The following RPS6KC1 variants were observed in gnomAD, a reference collection of about 807,000 sequenced individuals.
RPS6KC1 encodes ribosomal protein S6 kinase C1.
In RPS6KC1, 54 loss-of-function variants were observed where a neutral mutation model predicts 103.8. That is an observed-to-expected ratio of 0.52 (90% CI 0.42 to 0.65). The LOEUF is 0.65. Among genes scored for constraint, RPS6KC1 ranks in the 30% least tolerant of loss-of-function variants. The pLI, the probability that RPS6KC1 is intolerant of heterozygous loss-of-function variation, is 0.00. For synonymous variants in RPS6KC1, 439 were observed against 438.7 expected (o/e 1.00, Z -0.01); for missense variants, 1,151 against 1,253.8 (o/e 0.92, Z 1.24).
At chr1:213,719,908 G>A in the RPS6KC1 span, among the ~76,000 whole-genome samples, 39 of 152,244 alleles carry the variant, frequency 2.6e-4, no homozygotes, top group Non-Finnish European at 4.4e-4. Flanking sequence ...GATATACTCT[G>A]ATATTTTCTA....
the RPS6KC1 span, among the ~76,000 whole-genome samples, chr1:213,769,598 C>G: frequency 6.6e-6 from 1 of 152,046 alleles, no homozygotes; most frequent in Admixed American, 6.5e-5. Flanking sequence ...TCCTCACTCT[C>G]AAATGCACAA....
chr1:213,107,059 G>A (rs1247015069), intron 4 of RPS6KC1, among the ~76,000 whole-genome samples: 1 of 151,654 alleles, frequency 6.6e-6, no homozygotes, highest in South Asian at 2.1e-4. Context: ...CTCCTGCCTC[G>A]GCCTCCTGAG....
the RPS6KC1 span, among the ~76,000 whole-genome samples, chr1:213,551,191 C>T: frequency 6.6e-6 from 1 of 152,230 alleles, no homozygotes; most frequent in Non-Finnish European, 1.5e-5. Context: ...TTTTTAGCAT[C>T]TCCATCCCAA....
chr1:213,390,736 A>G, the RPS6KC1 span, among the ~76,000 whole-genome samples: 1 of 152,192 alleles, frequency 6.6e-6, no homozygotes, highest in Non-Finnish European at 1.5e-5. Context: ...CAAAGGATCT[A>G]TAGACCTCGT....
chr1:213,806,474 G>A, the RPS6KC1 span, among the ~76,000 whole-genome samples: 138 of 152,168 alleles, frequency 9.1e-4, no homozygotes, highest in East Asian at 7.7e-4. Flanking sequence ...TGTATTGGGT[G>A]CATATATATT....
chr1:213,231,964 C>T (rs531718068), intron 9 of RPS6KC1, among the ~76,000 whole-genome samples, 159 bp from the exon 10 acceptor site: 1 of 152,160 alleles, frequency 6.6e-6, no homozygotes, highest in African/African-American at 2.4e-5. Context: ...AGCAGAGCCT[C>T]CAGGGACTGG....
the RPS6KC1 span, among the ~76,000 whole-genome samples, chr1:213,545,842 A>T: frequency 2.0e-5 from 3 of 152,138 alleles, no homozygotes; most frequent in Non-Finnish European, 4.4e-5. Flanking sequence ...TGCTGTGCAC[A>T]TGCAGTCTCA....
chr1:213,589,448 T>C, the RPS6KC1 span, among the ~76,000 whole-genome samples: 7 of 152,220 alleles, frequency 4.6e-5, no homozygotes, highest in African/African-American at 1.7e-4. Context: ...GAGACCAGTC[T>C]GGCCAACATG....
At chr1:213,482,955 G>A in the RPS6KC1 span, among the ~76,000 whole-genome samples, 1 of 151,948 alleles carries the variant, frequency 6.6e-6, no homozygotes, top group Non-Finnish European at 1.5e-5. Context: ...CCTAACTTTT[G>A]TTGGAATGAT....
intron 8 of RPS6KC1, among the ~76,000 whole-genome samples, chr1:213,216,568 A>G (rs1235277905): frequency 6.6e-6 from 1 of 152,114 alleles, no homozygotes; most frequent in Non-Finnish European, 1.5e-5. Flanking sequence ...CAGAATATAC[A>G]TTTTTTTCAG....
the RPS6KC1 span, among the ~76,000 whole-genome samples, chr1:213,671,965 G>T: frequency 7.1e-6 from 1 of 140,904 alleles, no homozygotes; most frequent in Non-Finnish European, 1.6e-5. Context: ...AAAAAAAAAA[G>T]AAAATTGAGG....
intron 6 of RPS6KC1, among the ~76,000 whole-genome samples, chr1:213,137,752 GCTCT>G (rs149436919): frequency 6.9e-3 from 84 of 12,208 alleles, no homozygotes; most frequent in Non-Finnish European, 0.013. Flanking sequence ...AGTCCAGTTT[GCTCT>G]CTCTCTCTCT....
chr1:213,434,336 C>CTTGTTGGGTA, the RPS6KC1 span, among the ~76,000 whole-genome samples: 1 of 151,608 alleles, frequency 6.6e-6, no homozygotes, highest in Non-Finnish European at 1.5e-5. Context: ...GTATAGAATT[C>CTTGTTGGGTA]TAGATTACAC....
chr1:213,361,899 A>G, the RPS6KC1 span, among the ~76,000 whole-genome samples: 1 of 152,222 alleles, frequency 6.6e-6, no homozygotes, highest in African/African-American at 2.4e-5. Flanking sequence ...TGTCTGTGAC[A>G]GGGCAGGCTT....
intron 8 of RPS6KC1, among the ~76,000 whole-genome samples, chr1:213,213,549 A>G (rs2093574625): frequency 6.6e-6 from 1 of 152,172 alleles, no homozygotes; most frequent in South Asian, 2.1e-4. Flanking sequence ...TTGCATTTCT[A>G]CATAAAGTTT....
At chr1:213,780,797 A>G in the RPS6KC1 span, among the ~76,000 whole-genome samples, 2 of 152,132 alleles carry the variant, frequency 1.3e-5, no homozygotes, top group South Asian at 4.1e-4. Context: ...GCCGAGGCAG[A>G]CAGATCACTT....
the RPS6KC1 span, among the ~76,000 whole-genome samples, chr1:213,333,953 A>G: frequency 6.6e-6 from 1 of 152,184 alleles, no homozygotes; most frequent in Admixed American, 6.5e-5. Flanking sequence ...AATTGCTGGG[A>G]TTATAGGCGT....
chr1:213,343,161 A>G, the RPS6KC1 span, among the ~76,000 whole-genome samples: 1 of 151,968 alleles, frequency 6.6e-6, no homozygotes, highest in African/African-American at 2.4e-5. Flanking sequence ...TGTGAATACT[A>G]AAACATTTCA....
the RPS6KC1 span, among the ~76,000 whole-genome samples, chr1:213,598,725 C>T: frequency 6.6e-6 from 1 of 152,062 alleles, no homozygotes; most frequent in African/African-American, 2.4e-5. Flanking sequence ...CAAGACTAGC[C>T]TGGCCAACAT....
Sources: gnomAD v4.1 joint callset for allele counts (sites outside exome capture counted in the v4.1 genomes callset) on GRCh38, gnomAD v4.1.1 for gene constraint, MANE v1.5 for transcripts, NCBI Gene and HGNC (gene_info 2026-07-23, HGNC 2026-07-21) for gene names.